The following OR10R2 variants were observed in gnomAD, a reference collection of about 807,000 sequenced individuals.
OR10R2 encodes olfactory receptor family 10 subfamily R member 2.
Under a neutral mutation model 2.4 loss-of-function variants are expected in OR10R2, and 1 was observed. The observed-to-expected ratio is 0.41, with a 90% CI of 0.15 to 1.95. The LOEUF (loss-of-function observed/expected upper bound fraction) is 1.95, where lower values mean the gene tolerates loss of function less well. Ranked by LOEUF, OR10R2 falls within the 30% of genes most tolerant of loss-of-function variation. The pLI is 0.30. For synonymous variants in OR10R2, 166 were observed against 144.8 expected (o/e 1.15, Z -1.05); for missense variants, 419 against 373.0 (o/e 1.12, Z -1.01).
At chr1:158,478,658 T>C (rs915300068) in intron 1 of OR10R2, among the ~76,000 whole-genome samples, 2 of 152,170 alleles carry the variant, frequency 1.3e-5, no homozygotes, top group African/African-American at 2.4e-5. Flanking sequence ...ATTCAATGAC[T>C]CTACAATGGA....
intron 1 of OR10R2, among the ~76,000 whole-genome samples, chr1:158,473,791 T>C (rs939700017): frequency 0.13 from 5,075 of 37,682 alleles, 568 homozygotes; most frequent in Middle Eastern, 0.24. Flanking sequence ...TCCTTCCCTC[T>C]TTCCCTCTCT....
exon 2 of OR10R2, chr1:158,480,483 A>G (rs753174113): frequency 2.5e-6 from 4 of 1,613,486 alleles, no homozygotes; most frequent in Non-Finnish European, 3.4e-6. Flanking sequence ...GTGACATCTC[A>G]GCAGTCATTC....
chr1:158,477,079 G>T (rs1656286518), intron 1 of OR10R2, among the ~76,000 whole-genome samples: 1 of 152,042 alleles, frequency 6.6e-6, no homozygotes, highest in Admixed American at 6.6e-5. Context: ...TAAACAATTA[G>T]AAATGAAATT....
chr1:158,475,146 A>C (rs1262732214), intron 1 of OR10R2, among the ~76,000 whole-genome samples: 9 of 152,164 alleles, frequency 5.9e-5, no homozygotes, highest in Admixed American at 5.9e-4. Context: ...ACCCAAAGCC[A>C]AGTTACCTTC....
chr1:158,475,120 C>A (rs1656246587), intron 1 of OR10R2, among the ~76,000 whole-genome samples: 1 of 152,020 alleles, frequency 6.6e-6, no homozygotes, highest in Non-Finnish European at 1.5e-5. Context: ...TACAGTCACC[C>A]AATGGAAGAA....
chr1:158,480,044 T>C (rs1266956318), exon 2 of OR10R2: 2 of 1,614,114 alleles, frequency 1.2e-6, no homozygotes, highest in Non-Finnish European at 1.7e-6. Context: ...TTTCTGTATC[T>C]AGTCATTCTT....
In OR10R2 at chr1:158,480,117, C is replaced by T. The variant is rs1262569564; in HGVS notation, c.207C>T (p.Tyr69=). The T allele has an allele frequency of 1.9e-6, 3 of 1,612,966 alleles. No individual in the cohort carries two copies. The African/African-American group carries it at 4.0e-5, about 22-fold the overall frequency. The change falls in exon 2 of 2, where the codon TAC becomes TAT. Residue 69 remains tyrosine, a synonymous_variant. Transcript: ENST00000641067. ...ATAAAAGCCTCCACACACCAATGTA[C>T]TTCTTCCTTGGCATTCTCTCAACAT...
chr1:158,480,267 CA>C lies in OR10R2; in HGVS notation c.359del (p.Asn120ThrfsTer7), dbSNP rs1272435917. The C allele has an allele frequency of 6.2e-7, 1 of 1,613,944 alleles. No individual in the cohort carries two copies. On this transcript the variant is annotated frameshift_variant, in exon 2 of 2. Coordinates refer to ENST00000641067, the Ensembl canonical transcript of OR10R2. LOFTEE classifies it low-confidence loss of function (END_TRUNC). The stretch of plus-strand genomic sequence containing the variant: ...TCTTCTTCCTTGGTTTTGCCATTAC[CA>C]ACTGCCTGCTATTGGGTGTGATGGG...
chr1:158,480,080 T>C, exon 2 of OR10R2: 3 of 1,613,944 alleles, frequency 1.9e-6, no homozygotes, highest in Non-Finnish European at 2.5e-6. Flanking sequence ...ATTATCAGTG[T>C]CATCCACCTG....
At chr1:158,480,243 C>T in exon 2 of OR10R2, 1 of 1,614,014 alleles carries the variant, frequency 6.2e-7, no homozygotes. Context: ...TTCAAATGTT[C>T]TTCTTCCTTG....
exon 2 of OR10R2, chr1:158,480,618 G>A (rs1292122904): frequency 1.2e-6 from 2 of 1,613,666 alleles, no homozygotes; most frequent in Non-Finnish European, 8.5e-7. Flanking sequence ...CTATCCTGAA[G>A]ATTCCCTCAG....
At chr1:158,480,211 A>G (rs1656362040) in exon 2 of OR10R2, 3 of 1,613,898 alleles carry the variant, frequency 1.9e-6, no homozygotes, top group South Asian at 1.1e-5. Flanking sequence ...GGCCAGGACA[A>G]TCTCCTTCAA....
At chr1:158,480,849 G>T (rs775178212) in exon 2 of OR10R2, 26 of 1,578,226 alleles carry the variant, frequency 1.6e-5, no homozygotes, top group South Asian at 2.3e-5. Flanking sequence ...TCAGAAAAGT[G>T]TTGGGCAAGA....
chr1:158,477,494 T>C (rs751415181), intron 1 of OR10R2, among the ~76,000 whole-genome samples: 2 of 152,146 alleles, frequency 1.3e-5, no homozygotes, highest in Non-Finnish European at 2.9e-5. Context: ...GTCAGTAGTG[T>C]TTCTATATAT....
chr1:158,477,501 A>G (rs988472597), intron 1 of OR10R2, among the ~76,000 whole-genome samples: 1 of 152,338 alleles, frequency 6.6e-6, no homozygotes, highest in East Asian at 1.9e-4. Flanking sequence ...GTGTTTCTAT[A>G]TATCAATAAT....
At chr1:158,478,095 C>T (rs890306272) in intron 1 of OR10R2, among the ~76,000 whole-genome samples, 15 of 152,102 alleles carry the variant, frequency 9.9e-5, no homozygotes, top group African/African-American at 3.6e-4. Flanking sequence ...GAATAGCTGG[C>T]TAGCCATCTG....
chr1:158,480,923 CT>C, exon 2 of OR10R2: 2 of 925,784 alleles, frequency 2.2e-6, no homozygotes, highest in Admixed American at 2.8e-5. Flanking sequence ...TAAATAATGC[CT>C]TTTTATCACA....
intron 1 of OR10R2, among the ~76,000 whole-genome samples, 167 bp downstream of exon 1, chr1:158,472,519 G>A (rs1011095952): frequency 1.3e-5 from 2 of 152,178 alleles, no homozygotes; most frequent in East Asian, 1.9e-4. Flanking sequence ...CAGGATTCGT[G>A]TTTTAAAGAA....
chr1:158,475,235 T>A (rs1656249083), intron 1 of OR10R2, among the ~76,000 whole-genome samples: 1 of 152,138 alleles, frequency 6.6e-6, no homozygotes, highest in African/African-American at 2.4e-5. Flanking sequence ...GTGTTACAAT[T>A]TTCAATTTTT....
Sources: allele counts gnomAD v4.1 joint callset (sites outside exome capture counted in the v4.1 genomes callset), GRCh38; gene constraint gnomAD v4.1.1; transcripts MANE v1.5; gene names NCBI Gene and HGNC (gene_info 2026-07-23, HGNC 2026-07-21).